KCNK10: variants seen among roughly 807,000 people sequenced by gnomAD.
KCNK10 encodes potassium two pore domain channel subfamily K member 10.
Under a neutral mutation model 47.7 loss-of-function variants are expected in KCNK10, and 25 were observed. The ratio of observed to expected loss-of-function variants is 0.52; its 90% CI spans 0.38 to 0.73. The LOEUF (loss-of-function observed/expected upper bound fraction) is 0.73, where lower values mean the gene tolerates loss of function less well. Among genes scored for constraint, KCNK10 ranks in the 30% least tolerant of loss-of-function variants. The pLI is 0.00. For missense variants in KCNK10, 563 were observed against 714.5 expected, an observed-to-expected ratio of 0.79 and a Z score of 2.42; for synonymous variants, 303 against 285.6, an observed-to-expected ratio of 1.06 and a Z score of -0.61.
Position 88,263,371 on chromosome 14 carries a change from A to G in KCNK10, c.233T>C (p.Val78Ala), listed in dbSNP as rs922962867. Residue 78 changes from valine to alanine, a missense_variant, in exon 2 of 7, where the codon GTT becomes GCT. Val to Ala is a moderately conservative substitution (Grantham distance 64). Coordinates refer to ENST00000319231, the MANE Select transcript of KCNK10 (RefSeq NM_138317.3). Reference protein sequence around the residue: ...LQTVMKWKTVVAIFVVVVVYL... With the variant: ...LQTVMKWKTVAAIFVVVVVYL... ...GACCACCACAACCACAAAGATGGCA[A>G]CCACCGTCTTCCACTTCATGACGGT... 6.2e-7 allele frequency: 1 copy of G among 1,614,014 alleles called. No individual in the cohort carries two copies. Among genetic ancestry groups the G allele is most frequent in the East Asian group, 2.2e-5 (1 of 44,878 alleles).
intron 2 of KCNK10, among the ~76,000 whole-genome samples, chr14:88,261,883 C>A (rs1887122813): frequency 6.6e-6 from 1 of 152,008 alleles, no homozygotes; most frequent in Non-Finnish European, 1.5e-5. Flanking sequence ...AATTATAGGG[C>A]ATAGCTATGA....
chr14:88,284,812 G>A (rs1359956280), intron 1 of KCNK10, among the ~76,000 whole-genome samples: 1 of 152,098 alleles, frequency 6.6e-6, no homozygotes, highest in Non-Finnish European at 1.5e-5. Flanking sequence ...ACAATACTTT[G>A]CATCCTTAAA....
At chr14:88,272,850 C>G (rs971173604) in intron 1 of KCNK10, among the ~76,000 whole-genome samples, 2 of 151,888 alleles carry the variant, frequency 1.3e-5, no homozygotes, top group African/African-American at 2.4e-5. Context: ...AGAGACAAGG[C>G]GTGTTAAGGA....
At position 88,255,530 on chromosome 14, in the gene KCNK10, C is replaced by A. The variant is rs75773709; in HGVS notation, c.402+7672G>T. 2.6e-4 allele frequency among the ~76,000 whole-genome samples: 21 copies of A among 80,658 alleles called. No homozygotes were observed. In the South Asian group the frequency reaches 6.7e-3, roughly 26 times the overall value. The allele number at this position is 80,658 out of a possible 152,430, so 52.9% of individuals were successfully genotyped here. A position where few individuals can be genotyped will look rare whatever the true frequency, so the allele number is the denominator to read the frequency against. On this transcript the variant is annotated intron_variant, in intron 2 of 6. Transcript: ENST00000319231. Reference sequence around the variant, plus strand: ...GCAACACAGTGAGACCCTGTCTCTACCAAAAAAAAAAAAAAATTAAAAATT... The same window carrying A: ...GCAACACAGTGAGACCCTGTCTCTAACAAAAAAAAAAAAAAATTAAAAATT...
At chr14:88,299,253 T>C (rs994380996) in intron 1 of KCNK10, among the ~76,000 whole-genome samples, 1 of 152,196 alleles carries the variant, frequency 6.6e-6, no homozygotes, top group Admixed American at 6.5e-5. Flanking sequence ...AGCTTACCCT[T>C]GGGTTCCAGA....
intron 1 of KCNK10, among the ~76,000 whole-genome samples, chr14:88,271,466 C>A (rs1216673821): frequency 6.6e-6 from 1 of 152,106 alleles, no homozygotes; most frequent in African/African-American, 2.4e-5. Flanking sequence ...AAAGAGAGTT[C>A]TTCATGGTTT....
intron 4 of KCNK10, among the ~76,000 whole-genome samples, chr14:88,207,547 T>C (rs1885321698): frequency 2.0e-5 from 3 of 152,160 alleles, no homozygotes; most frequent in Non-Finnish European, 4.4e-5. Flanking sequence ...AGGGGATGTC[T>C]CACTATGCTG....
chr14:88,229,167 C>T (rs1486518535), intron 3 of KCNK10, among the ~76,000 whole-genome samples: 1 of 152,176 alleles, frequency 6.6e-6, no homozygotes, highest in African/African-American at 2.4e-5. Flanking sequence ...ATATTGCAGA[C>T]ATAGGCAAAC....
intron 4 of KCNK10, among the ~76,000 whole-genome samples, chr14:88,225,370 G>A (rs1209577053): frequency 3.9e-5 from 6 of 152,134 alleles, no homozygotes; most frequent in African/African-American, 9.7e-5. Context: ...CTTTGATGGT[G>A]CTGCAAGGAG....
rs778057683 is a variant in KCNK10 at position 88,192,364 on chromosome 14, A to G, written c.728T>C (p.Leu243Pro). Residue 243 changes from leucine (L) to proline (P), a missense_variant, in exon 5 of 7, where the codon CTG (leucine) becomes CCG (proline). Physicochemically the swap from Leu to Pro is moderately conservative, Grantham distance 98. Transcript: ENST00000319231. ...QTKIRVISTI[L>P]FILAGCIVFV... ...CACAATGCAGCCGGCCAAGATGAAC[A>G]GGATGGTTGAGATGACCCGGATCTT... The G allele has an allele frequency of 6.2e-7, 1 of 1,614,182 alleles. No individual in the cohort carries two copies. The highest frequency in any genetic ancestry group is 8.5e-7 in the Non-Finnish European group (1 of 1,180,026).
intron 1 of KCNK10, among the ~76,000 whole-genome samples, chr14:88,276,360 C>T (rs1887528086): frequency 6.6e-6 from 1 of 151,938 alleles, no homozygotes; most frequent in Non-Finnish European, 1.5e-5. Context: ...GACACTGAAT[C>T]TGCCTTGATA....
In KCNK10 at chr14:88,188,105, T is replaced by C. The variant is rs1386548526; in HGVS notation, c.873A>G (p.Gly291=). 1.2e-6 allele frequency: 2 copies of C among 1,614,188 alleles called. No individual in the cohort carries two copies. Among genetic ancestry groups the C allele is most frequent in the Non-Finnish European group, 1.7e-6 (2 of 1,180,020 alleles). The change falls in exon 6 of 7, where the codon GGA becomes GGG. Residue 291 remains glycine, a synonymous_variant. Transcript: ENST00000319231. The part of the protein sequence containing the change: ...TVGFGDFVAG[G]NAGINYREWY... The stretch of plus-strand genomic sequence containing the variant: ...ACTCCCGATAATTGATGCCAGCGTT[T>C]CCCCCTGAAAACAACCAAATGTTAC...
chr14:88,188,942 AC>A (rs958844529), intron 5 of KCNK10, among the ~76,000 whole-genome samples: 21 of 152,192 alleles, frequency 1.4e-4, no homozygotes, highest in African/African-American at 4.8e-4. Context: ...AGCCCAACCC[AC>A]CGTCCTAAAG....
chr14:88,192,116 A>G, intron 5 of KCNK10, 108 bp downstream of exon 5: 1 of 1,048,834 alleles, frequency 9.5e-7, no homozygotes, highest in South Asian at 1.6e-5. Context: ...ACACTGAGTC[A>G]TCTTCATTTG....
At chr14:88,238,181 C>T (rs530377521) in intron 3 of KCNK10, among the ~76,000 whole-genome samples, 4 of 152,328 alleles carry the variant, frequency 2.6e-5, no homozygotes, top group African/African-American at 9.6e-5. Context: ...TCTGAAGCCT[C>T]CTTACCTCTC....
chr14:88,198,892 C>CTTATTTTATTTTATT (rs147609734), intron 4 of KCNK10, among the ~76,000 whole-genome samples: 4,006 of 135,294 alleles, frequency 0.03, 151 homozygotes, highest in African/African-American at 0.067. Context: ...TCTCCTTTGT[C>CTTATTTTATTTTATT]TTATTTTATT....
intron 1 of KCNK10, among the ~76,000 whole-genome samples, chr14:88,279,077 T>TA (rs1887589204): frequency 6.6e-6 from 1 of 152,188 alleles, no homozygotes; most frequent in Admixed American, 6.5e-5. Flanking sequence ...TGGTGTTCTT[T>TA]AAGTTGTACC....
rs1263329826 is a variant in KCNK10 at position 88,182,532 on chromosome 14, G to A, written c.*3003C>T. 1 of 152,334 alleles carries A rather than the reference G, an allele frequency of 6.6e-6. No homozygotes were observed. The highest frequency in any genetic ancestry group is 1.5e-5 in the Non-Finnish European group (1 of 68,044). 9.4% of individuals were successfully genotyped at this position (152,334 alleles called of 1,614,324 possible). On this transcript the variant is annotated 3_prime_UTR_variant, in exon 7 of 7. Transcript: ENST00000319231. ...TCTTATTCTCTCTCAGCATCTTTGC[G>A]AGAGTATTTCATAGGTTTCTAAACA...
At chr14:88,216,875 G>A (rs1320349710) in intron 4 of KCNK10, among the ~76,000 whole-genome samples, 5 of 152,146 alleles carry the variant, frequency 3.3e-5, no homozygotes, top group South Asian at 4.1e-4. Context: ...ATAAACTCAC[G>A]GCAGGGCGTG....
Sources: allele counts gnomAD v4.1 joint callset (sites outside exome capture counted in the v4.1 genomes callset), GRCh38; gene constraint gnomAD v4.1.1; transcripts MANE v1.5; gene names NCBI Gene and HGNC (gene_info 2026-07-23, HGNC 2026-07-21).